The following CSNK1G1 variants were observed in gnomAD, a reference collection of about 807,000 sequenced individuals.
CSNK1G1 encodes the protein casein kinase I isoform gamma-1.
A neutral mutation model predicts 59.6 loss-of-function variants in CSNK1G1; 22 were observed. The observed-to-expected ratio is 0.37, with a 90% CI of 0.26 to 0.53. CSNK1G1 has a LOEUF of 0.53. Among genes scored for constraint, CSNK1G1 ranks in the 20% least tolerant of loss-of-function variants. The pLI is 0.89. For missense variants in CSNK1G1, 384 were observed against 519.5 expected, an observed-to-expected ratio of 0.74 and a Z score of 2.54; for synonymous variants, 179 against 177.1, an observed-to-expected ratio of 1.01 and a Z score of -0.08.
intron 4 of CSNK1G1, among the ~76,000 whole-genome samples, chr15:64,231,184 G>A (rs538455071): frequency 2.0e-5 from 3 of 148,252 alleles, no homozygotes; most frequent in African/African-American, 7.7e-5. Flanking sequence ...AAAATTAGTT[G>A]AGCGTGTGAT....
intron 2 of CSNK1G1, among the ~76,000 whole-genome samples, chr15:64,293,689 G>C (rs1445222821): frequency 6.6e-6 from 1 of 152,236 alleles, no homozygotes; most frequent in East Asian, 1.9e-4. Flanking sequence ...ATGGCAGGAG[G>C]TGAGCAGTGG....
chr15:64,244,238 A>G (rs986935590), intron 4 of CSNK1G1, among the ~76,000 whole-genome samples: 6 of 151,956 alleles, frequency 3.9e-5, no homozygotes, highest in Admixed American at 6.6e-5. Flanking sequence ...AAACTAGTGG[A>G]AAAAAATCAA....
chr15:64,207,128 A>G (rs2082192791), intron 7 of CSNK1G1, among the ~76,000 whole-genome samples: 1 of 152,226 alleles, frequency 6.6e-6, no homozygotes, highest in Admixed American at 6.5e-5. Flanking sequence ...AAGAACAAGG[A>G]AAAATTAAGA....
intron 4 of CSNK1G1, among the ~76,000 whole-genome samples, chr15:64,234,375 G>C (rs1477295133): frequency 1.3e-5 from 2 of 152,172 alleles, no homozygotes; most frequent in Non-Finnish European, 2.9e-5. Context: ...AGCAGGTCCT[G>C]AGAGCATAAA....
chr15:64,173,584 A>G (rs1567354445), intron 11 of CSNK1G1, among the ~76,000 whole-genome samples: 1 of 150,180 alleles, frequency 6.7e-6, no homozygotes, highest in Non-Finnish European at 1.5e-5. Context: ...TCAAGAACAA[A>G]TGGTGTTTTT....
intron 4 of CSNK1G1, among the ~76,000 whole-genome samples, chr15:64,217,702 G>A (rs1215189818): frequency 6.6e-6 from 1 of 151,908 alleles, no homozygotes; most frequent in Non-Finnish European, 1.5e-5. Context: ...TATAGTCCCA[G>A]CTACTCAGGA....
intron 10 of CSNK1G1, chr15:64,181,566 CT>C: frequency 5.9e-6 from 5 of 847,792 alleles, no homozygotes; most frequent in Non-Finnish European, 8.8e-6. Flanking sequence ...ATGAGACTGT[CT>C]AGTATAATAC....
chr15:64,325,538 T>C (rs544733068), intron 1 of CSNK1G1, among the ~76,000 whole-genome samples: 36 of 152,296 alleles, frequency 2.4e-4, no homozygotes, highest in African/African-American at 8.2e-4. Flanking sequence ...ATCATTTCTA[T>C]AACAAATTTA....
chr15:64,233,402 C>T (rs2082574131), intron 4 of CSNK1G1, among the ~76,000 whole-genome samples: 1 of 151,952 alleles, frequency 6.6e-6, no homozygotes, highest in Non-Finnish European at 1.5e-5. Flanking sequence ...GTGCAAAATT[C>T]TCTAAAATTT....
chr15:64,348,024 G>A (rs1453205807), intron 1 of CSNK1G1, among the ~76,000 whole-genome samples: 2 of 149,092 alleles, frequency 1.3e-5, no homozygotes, highest in Non-Finnish European at 1.5e-5. Flanking sequence ...AAAAAGACAC[G>A]AAGAACATTC....
In CSNK1G1 at chr15:64,352,447, C is replaced by CTTTTTTTTTTTTTTTTTTTTT. The variant is rs1165768581; in HGVS notation, c.-225+3540_-225+3541insAAAAAAAAAAAAAAAAAAAAA. The stretch of plus-strand genomic sequence containing the variant: ...ATCACAAAACATAATTTGAATTCTT[C>CTTTTTTTTTTTTTTTTTTTTT]TTTTTTTTTTTTTTTTTTTGAGATG... On this transcript the variant is annotated intron_variant, in intron 1 of 11. Transcript: ENST00000303052. 6.7e-4 allele frequency among the ~76,000 whole-genome samples: 60 copies of CTTTTTTTTTTTTTTTTTTTTT among 89,414 alleles called. 7 individuals are homozygous for CTTTTTTTTTTTTTTTTTTTTT. The highest frequency in any genetic ancestry group is 1.9e-3 in the African/African-American group (43 of 22,716). The allele number at this position is 89,414 out of a possible 152,430, so 58.7% of individuals were successfully genotyped here. A position where few individuals can be genotyped will look rare whatever the true frequency, so the allele number is the denominator to read the frequency against.
chr15:64,214,157 A>G lies in CSNK1G1; in HGVS notation c.445-33T>C, dbSNP rs145473091. 7.2e-5 allele frequency: 105 copies of G among 1,456,212 alleles called. No homozygotes were observed. The East Asian group carries it at 2.0e-3, about 27-fold the overall frequency. 90.2% of individuals were successfully genotyped at this position (1,456,212 alleles called of 1,614,324 possible). A position where few individuals can be genotyped will look rare whatever the true frequency, so the allele number is the denominator to read the frequency against. ...AGAAACAAATGATAGAAAGACTGTA[A>G]AGAAGTATATCAGGAAAATACATCA... On this transcript the variant is annotated intron_variant, in intron 5 of 11. Coordinates refer to ENST00000303052, the MANE Select transcript of CSNK1G1 (RefSeq NM_022048.5). The surrounding 1 kb of genome is among the most constrained non-coding windows in gnomAD (Gnocchi z 4.3).
intron 10 of CSNK1G1, among the ~76,000 whole-genome samples, chr15:64,194,564 C>A (rs2082016567): frequency 7.0e-6 from 1 of 142,906 alleles, no homozygotes; most frequent in Non-Finnish European, 1.5e-5. Context: ...ATTGCCCAGG[C>A]TGGAGTGCAG....
intron 9 of CSNK1G1, among the ~76,000 whole-genome samples, chr15:64,203,970 C>A (rs957476380): frequency 6.6e-6 from 1 of 151,752 alleles, no homozygotes; most frequent in African/African-American, 2.4e-5. Context: ...TGGCAAAACC[C>A]CGTCTCTGCT....
At chr15:64,218,684 C>T (rs2082344666) in intron 4 of CSNK1G1, among the ~76,000 whole-genome samples, 1 of 151,316 alleles carries the variant, frequency 6.6e-6, no homozygotes, top group Admixed American at 6.6e-5. Flanking sequence ...CTACCATGCC[C>T]GGCCTAAATC....
At chr15:64,189,466 AACAGTCCTAAG>A in intron 10 of CSNK1G1, 1 of 1,283,368 alleles carries the variant, frequency 7.8e-7, no homozygotes, top group Non-Finnish European at 1.0e-6. Flanking sequence ...GCTCAGCTGT[AACAGTCCTAAG>A]GCTCTACAAA....
chr15:64,182,053 GTTTTTTTTTTTTTTTT>G (rs71447372), intron 10 of CSNK1G1: 1 of 83,238 alleles, frequency 1.2e-5, no homozygotes, highest in Non-Finnish European at 2.3e-5. Flanking sequence ...TTAGTAACCC[GTTTTTTTTTTTTTTTT>G]TTTTTTTTTT....
At chr15:64,337,532 A>T (rs948142798) in intron 1 of CSNK1G1, among the ~76,000 whole-genome samples, 10 of 152,036 alleles carry the variant, frequency 6.6e-5, no homozygotes, top group Admixed American at 2.6e-4. Flanking sequence ...AATGGGTCTC[A>T]TTATGTTGCC....
At chr15:64,262,185 G>A (rs1349256008) in intron 2 of CSNK1G1, among the ~76,000 whole-genome samples, 1 of 152,204 alleles carries the variant, frequency 6.6e-6, no homozygotes, top group Non-Finnish European at 1.5e-5. Context: ...TCTAAGATGA[G>A]CAACCTCAGT....
Sources: gnomAD v4.1 joint callset for allele counts (sites outside exome capture counted in the v4.1 genomes callset) on GRCh38, gnomAD v4.1.1 for gene constraint, Gnocchi (gnomAD v3.1) non-coding constraint, MANE v1.5 for transcripts, NCBI Gene and HGNC (gene_info 2026-07-23, HGNC 2026-07-21) for gene names.